Variants in MET observed in about 807,000 individuals in gnomAD.
MET encodes the protein MET proto-oncogene, receptor tyrosine kinase, also known as hepatocyte growth factor receptor.
In MET, 48 loss-of-function variants were observed where a neutral mutation model predicts 133.1. The ratio of observed to expected loss-of-function variants is 0.36; its 90% CI spans 0.29 to 0.46. The LOEUF is 0.46. MET is among the 20% of genes least tolerant of loss of function. The probability of loss-of-function intolerance (pLI) is 1.00; values close to 1 mark genes in which losing one functional copy is unlikely to be tolerated. For synonymous variants in MET, 628 were observed against 616.5 expected, an observed-to-expected ratio of 1.02 and a Z score of -0.28; for missense variants, 1,442 against 1,695.9, an observed-to-expected ratio of 0.85 and a Z score of 2.63.
At chr7:116,718,844 A>G (rs1303063845) in intron 2 of MET, among the ~76,000 whole-genome samples, 5 of 145,834 alleles carry the variant, frequency 3.4e-5, no homozygotes, top group African/African-American at 5.1e-5. Context: ...ATGGCTGCAT[A>G]GTATTCCATG....
chr7:116,757,809 T>C, intron 8 of MET, 35 bp downstream of exon 8: 2 of 1,599,906 alleles, frequency 1.3e-6, no homozygotes, highest in Non-Finnish European at 1.7e-6. Context: ...CATCTGTCAA[T>C]TTGAATTAAT....
intron 3 of MET, among the ~76,000 whole-genome samples, 196 bp from the exon 4 acceptor site, chr7:116,739,754 G>A (rs544310866): frequency 1.3e-5 from 2 of 152,200 alleles, no homozygotes; most frequent in African/African-American, 4.8e-5. Flanking sequence ...TCTGTCTTGG[G>A]GGTTCAGATA....
rs2116929536 is a variant in MET at position 116,758,435 on chromosome 7, ACTTC to A, written c.2103-20_2103-17del. 6.2e-7 allele frequency: 1 copy of A among 1,608,770 alleles called. No individual in the cohort carries two copies. The highest frequency in any genetic ancestry group is 1.3e-5 in the African/African-American group (1 of 74,866). On this transcript the variant is annotated intron_variant, in intron 8 of 20. Coordinates refer to ENST00000397752, the MANE Select transcript of MET (RefSeq NM_000245.4). ...TGTGTATCTCTAATAGCTAAAATTCACTTCCTTAATTTTTTTTGTTCAGTGTGTC... is the reference window on the plus strand; with the variant it reads ...TGTGTATCTCTAATAGCTAAAATTCACTTAATTTTTTTTGTTCAGTGTGTC...
At chr7:116,673,810 T>C (rs1362329709) in intron 1 of MET, among the ~76,000 whole-genome samples, 1 of 152,228 alleles carries the variant, frequency 6.6e-6, no homozygotes, top group Non-Finnish European at 1.5e-5. Context: ...TTTCCTTCCT[T>C]GATCTAAGCT....
At chr7:116,747,967 C>T (rs35759345) in intron 5 of MET, among the ~76,000 whole-genome samples, 52,818 of 152,200 alleles carry the variant, frequency 0.35, 11,053 homozygotes, top group East Asian at 0.47. Context: ...CACTTAAGGC[C>T]GGGTGCAGTG....
chr7:116,793,944 T>C (rs1252150202), intron 19 of MET, among the ~76,000 whole-genome samples: 1 of 151,934 alleles, frequency 6.6e-6, no homozygotes, highest in East Asian at 1.9e-4. Context: ...CTGTTACTCC[T>C]GGCCCCACCC....
chr7:116,774,851 G>C (rs760098700), intron 14 of MET, 30 bp from the exon 15 acceptor site: 17 of 1,561,974 alleles, frequency 1.1e-5, no homozygotes, highest in Non-Finnish European at 1.5e-5. Flanking sequence ...TTTTACTGTT[G>C]TTCTTTAATA....
rs545381820 is a variant in MET at position 116,785,795 on chromosome 7, AATTGATAAAAAGTCAAAGATTAGCAAAG to A, written c.3798+2329_3798+2356del. 4.3e-3 allele frequency among the ~76,000 whole-genome samples: 660 copies of A among 152,360 alleles called. 3 individuals carry two copies. The highest frequency in any genetic ancestry group is 7.7e-3 in the Admixed American group (118 of 15,310). On this transcript the variant is annotated intron_variant, in intron 19 of 20. Transcript: ENST00000397752. Reference sequence around the variant, plus strand: ...GTAGAATCAGAAGTATTTACCAAGGAATTGATAAAAAGTCAAAGATTAGCAAAGATATATGCTCATGCAATAACACATA... The same window carrying A: ...GTAGAATCAGAAGTATTTACCAAGGAATATATGCTCATGCAATAACACATA...
intron 2 of MET, among the ~76,000 whole-genome samples, chr7:116,709,059 A>G (rs185611591): frequency 6.6e-6 from 1 of 152,140 alleles, no homozygotes; most frequent in Non-Finnish European, 1.5e-5. Context: ...AATCATGTGC[A>G]TGGAGGGCCA....
chr7:116,793,823 CG>C lies in MET; in HGVS notation c.3799-1829del, dbSNP rs529874651. Among the ~76,000 whole-genome samples, 587 of 152,106 alleles carry C rather than the reference CG, an allele frequency of 3.9e-3. 5 individuals are homozygous for C. Among genetic ancestry groups the C allele is most frequent in the Non-Finnish European group, 6.7e-3 (453 of 67,992 alleles). On this transcript the variant is annotated intron_variant, in intron 19 of 20. Coordinates refer to ENST00000397752, the MANE Select transcript of MET (RefSeq NM_000245.4). ...CTGAGGCAGGAGAATCGCTTGAACC[CG>C]GGAGGAAGAGGTTGCAGTACACCAA...
Position 116,796,211 on chromosome 7 carries a change from G to A in MET, c.*87G>A, listed in dbSNP as rs41281081. ...CTTTAAAAGGCCATCGATATTCTTT[G>A]CTCTTGCCAAAATTGCACTATTATA... is the stretch of plus-strand genomic sequence containing the variant. On this transcript the variant is annotated 3_prime_UTR_variant, in exon 21 of 21. Coordinates refer to ENST00000397752, the MANE Select transcript of MET (RefSeq NM_000245.4). The A allele has an allele frequency of 3.2e-3, 4,095 of 1,267,776 alleles. 19 individuals carry two copies. Among genetic ancestry groups the A allele is most frequent in the Non-Finnish European group, 3.8e-3 (3,329 of 874,304 alleles). The allele number at this position is 1,267,776 out of a possible 1,614,324, so 78.5% of individuals were successfully genotyped here.
At chr7:116,674,803 C>T (rs1182382916) in intron 1 of MET, among the ~76,000 whole-genome samples, 2 of 152,182 alleles carry the variant, frequency 1.3e-5, no homozygotes, top group African/African-American at 4.8e-5. Context: ...TTTCTCCAGC[C>T]CAGTTTGCTC....
intron 15 of MET, 82 bp from the exon 16 acceptor site, chr7:116,777,307 T>C: frequency 1.7e-6 from 2 of 1,156,594 alleles, no homozygotes; most frequent in South Asian, 2.5e-5. Context: ...AAGAATAAAA[T>C]GAAGCTCATA....
At chr7:116,762,559 A>C (rs956740304) in intron 10 of MET, among the ~76,000 whole-genome samples, 15 of 152,218 alleles carry the variant, frequency 9.9e-5, no homozygotes, top group African/African-American at 3.6e-4. Flanking sequence ...GCACTTTACC[A>C]TGTGGTATCC....
At chr7:116,716,493 G>GAA (rs1275001923) in intron 2 of MET, among the ~76,000 whole-genome samples, 1 of 146,598 alleles carries the variant, frequency 6.8e-6, no homozygotes, top group Admixed American at 6.8e-5. Flanking sequence ...AAGAAAGAAA[G>GAA]AAAGAAAGAA....
At chr7:116,742,950 G>A (rs1270820853) in intron 5 of MET, among the ~76,000 whole-genome samples, 1 of 152,214 alleles carries the variant, frequency 6.6e-6, no homozygotes, top group African/African-American at 2.4e-5. Context: ...TGTTAAGATG[G>A]CCGAGTAGGA....
chr7:116,677,346 A>G (rs538345241), intron 1 of MET, among the ~76,000 whole-genome samples: 2 of 152,068 alleles, frequency 1.3e-5, no homozygotes, highest in South Asian at 2.1e-4. Context: ...TTATTCCCCT[A>G]TTTATATCCT....
chr7:116,708,324 C>T (rs1480155482), intron 2 of MET, among the ~76,000 whole-genome samples: 1 of 152,140 alleles, frequency 6.6e-6, no homozygotes, highest in African/African-American at 2.4e-5. Context: ...CTTTAGTACA[C>T]AGGCAAATAT....
chr7:116,707,630 T>A (rs1791849610), intron 2 of MET, among the ~76,000 whole-genome samples: 1 of 152,178 alleles, frequency 6.6e-6, no homozygotes, highest in South Asian at 2.1e-4. Context: ...AACACTTGCA[T>A]CTAGCAACCA....
Sources: allele counts gnomAD v4.1 joint callset (sites outside exome capture counted in the v4.1 genomes callset), GRCh38; gene constraint gnomAD v4.1.1; transcripts MANE v1.5; gene names NCBI Gene and HGNC (gene_info 2026-07-23, HGNC 2026-07-21).